Variants in EXOSC1 observed in about 807,000 individuals in gnomAD.
The protein encoded by EXOSC1 is exosome complex component CSL4.
Under a neutral mutation model 31.4 loss-of-function variants are expected in EXOSC1, and 27 were observed. That is an observed-to-expected ratio of 0.86 (90% CI 0.63 to 1.18). EXOSC1 has a LOEUF of 1.18. Ranked by LOEUF, EXOSC1 falls within the 50% of genes most tolerant of loss-of-function variation. The pLI is 0.00. For synonymous variants in EXOSC1, 84 were observed against 89.5 expected (o/e 0.94, Z 0.35); for missense variants, 228 against 250.3 (o/e 0.91, Z 0.60).
In EXOSC1 at chr10:97,437,202, T is replaced by G. The variant is rs771280526; in HGVS notation, c.470A>C (p.His157Pro). 9.2e-5 allele frequency: 149 copies of G among 1,613,788 alleles called. No individual in the cohort carries two copies. The highest frequency in any genetic ancestry group is 1.2e-4 in the Non-Finnish European group (141 of 1,179,976). Residue 157 changes from histidine to proline, a missense_variant, in exon 7 of 8, where the codon CAC (histidine) becomes CCC (proline). Physicochemically the swap from His to Pro is moderately conservative, Grantham distance 77. Coordinates refer to ENST00000370902, the MANE Select transcript of EXOSC1 (RefSeq NM_016046.5). ...CAAGGCCATCTCACCTGACTCACTG[T>G]GGGCTACCACCACTCCCAGCTCGTT... ...AENELGVVVA[H>P]SESGIQMVPI...
Position 97,437,688 on chromosome 10 carries a change from A to C in EXOSC1, c.396+12T>G. The C allele has an allele frequency of 6.2e-7, 1 of 1,612,534 alleles. No individual in the cohort carries two copies. The highest frequency in any genetic ancestry group is 2.2e-5 in the East Asian group (1 of 44,814). On this transcript the variant is annotated intron_variant, in intron 6 of 7. Coordinates refer to ENST00000370902, the MANE Select transcript of EXOSC1 (RefSeq NM_016046.5). Reference sequence around the variant, plus strand: ...GACAAAGGACCAGAAGTCTGCTGGGAATAAAGGATACCACTTTGGCCAAGA... The same window carrying C: ...GACAAAGGACCAGAAGTCTGCTGGGCATAAAGGATACCACTTTGGCCAAGA...
At position 97,436,545 on chromosome 10, in the gene EXOSC1, T is replaced by G. The variant is rs1208978955; in HGVS notation, c.488A>C (p.Gln163Pro). ...VVVAHSESGI[Q>P]MVPISWCEMQ... ...CTCACACCAGCTGATGGGAACCATC[T>G]GGATACCTGGAAGGGAAAAGCTGGT... The change falls in exon 8 of 8, where the codon CAG becomes CCG. Residue 163 changes from glutamine to proline, a missense_variant. Physicochemically the swap from Gln to Pro is moderately conservative, Grantham distance 76. Transcript: ENST00000370902. 1 of 1,594,610 alleles carries G rather than the reference T, an allele frequency of 6.3e-7. No homozygotes were observed. Among genetic ancestry groups the G allele is most frequent in the East Asian group, 2.3e-5 (1 of 43,946 alleles).
At position 97,438,678 on chromosome 10, in the gene EXOSC1, T is replaced by C; in HGVS notation, c.337A>G (p.Lys113Glu). 1 of 1,612,656 alleles carries C rather than the reference T, an allele frequency of 6.2e-7. No individual in the cohort carries two copies. Reference sequence around the variant, plus strand: ...AAGAACCAACCAACAACCTTGTCTTTTTCAGTTGCTCGGACATCTTCCTTG... The same window carrying C: ...AAGAACCAACCAACAACCTTGTCTTCTTCAGTTGCTCGGACATCTTCCTTG... ...IRKEDVRATE[K>E]DKVEIYKSFR... The change falls in exon 5 of 8, where the codon AAA becomes GAA. Residue 113 changes from lysine (K) to glutamate (E), a missense_variant. Lys to Glu is a moderately conservative substitution (Grantham distance 56, BLOSUM62 1). Transcript: ENST00000370902.
chr10:97,439,152 G>C (rs1470107270), intron 4 of EXOSC1, among the ~76,000 whole-genome samples: 1 of 152,184 alleles, frequency 6.6e-6, no homozygotes, highest in Non-Finnish European at 1.5e-5. Context: ...AGAGGAGCAG[G>C]GTGGAGAAGC....
intron 1 of EXOSC1, 41 bp from the exon 2 acceptor site, chr10:97,445,888 C>G (rs1228547860): frequency 1.9e-6 from 3 of 1,613,884 alleles, no homozygotes; most frequent in Non-Finnish European, 2.5e-6. Context: ...CCCCCAGAAG[C>G]TGTAGGCCGT....
At chr10:97,444,560 T>C (rs1269589504) in intron 2 of EXOSC1, 1 of 152,260 alleles carries the variant, frequency 6.6e-6, no homozygotes, top group African/African-American at 2.4e-5. Flanking sequence ...TGTAACCATA[T>C]GCTCATTTGA....
intron 4 of EXOSC1, 55 bp downstream of exon 4, chr10:97,441,116 T>G: frequency 7.1e-7 from 1 of 1,409,154 alleles, no homozygotes; most frequent in Non-Finnish European, 9.9e-7. Flanking sequence ...GGTGTCCTAG[T>G]CTATCCTAAT....
chr10:97,438,804 G>C lies in EXOSC1; in HGVS notation c.312-101C>G. On this transcript the variant is annotated intron_variant, in intron 4 of 7. Coordinates refer to ENST00000370902, the MANE Select transcript of EXOSC1 (RefSeq NM_016046.5). ...GTCTCCCTCTGTCACCCAGGCTGGAGTACAGTGGCGCAATTTTGCTCACTG... is the reference window on the plus strand; with the variant it reads ...GTCTCCCTCTGTCACCCAGGCTGGACTACAGTGGCGCAATTTTGCTCACTG... 3 of 925,274 alleles carry C rather than the reference G, an allele frequency of 3.2e-6. No individual in the cohort carries two copies. In the South Asian group the frequency reaches 4.4e-5, roughly 13 times the overall value. The allele number at this position is 925,274 out of a possible 1,614,324, so 57.3% of individuals were successfully genotyped here.
At position 97,442,597 on chromosome 10, in the gene EXOSC1, C is replaced by T. The variant is rs149157513; in HGVS notation, c.222+640G>A. Among the ~76,000 whole-genome samples, 1,181 of 152,330 alleles carry T rather than the reference C, an allele frequency of 7.8e-3. 11 individuals are homozygous for T. The highest frequency in any genetic ancestry group is 0.027 in the African/African-American group (1,102 of 41,578). Reference sequence around the variant, plus strand: ...GATCATGGCTCACTGCAGCCTCAACCCCCTGGGCCCAAGCGATCTTCCTGC... The same window carrying T: ...GATCATGGCTCACTGCAGCCTCAACTCCCTGGGCCCAAGCGATCTTCCTGC... On this transcript the variant is annotated intron_variant, in intron 3 of 7. Transcript: ENST00000370902.
intron 4 of EXOSC1, among the ~76,000 whole-genome samples, chr10:97,440,570 G>A (rs1439060118): frequency 6.6e-6 from 1 of 150,880 alleles, no homozygotes; most frequent in African/African-American, 2.4e-5. Context: ...CCAGGCTGGA[G>A]TGCAATGGCG....
chr10:97,437,194 A>T lies in EXOSC1; in HGVS notation c.478T>A (p.Ser160Thr). Reference sequence around the variant, plus strand: ...TGTGGAAACAAGGCCATCTCACCTGACTCACTGTGGGCTACCACCACTCCC... The same window carrying T: ...TGTGGAAACAAGGCCATCTCACCTGTCTCACTGTGGGCTACCACCACTCCC... ...ELGVVVAHSE[S>T]GIQMVPISWC... Residue 160 changes from serine (S) to threonine (T), a missense_variant, in exon 7 of 8, where the codon TCA becomes ACA. By Grantham distance (58) the Ser-to-Thr change is moderately conservative (BLOSUM62 1). Transcript: ENST00000370902. The T allele has an allele frequency of 6.2e-7, 1 of 1,613,612 alleles. No homozygotes were observed. The highest frequency in any genetic ancestry group is 1.1e-5 in the South Asian group (1 of 91,046).
intron 4 of EXOSC1, chr10:97,440,853 T>A (rs1413217991): frequency 1.0e-5 from 2 of 192,822 alleles, no homozygotes; most frequent in Admixed American, 1.2e-4. Flanking sequence ...GGTTTCACCA[T>A]GTTGGCTAGG....
At chr10:97,445,049 G>A (rs897861683) in intron 2 of EXOSC1, 2 of 152,022 alleles carry the variant, frequency 1.3e-5, no homozygotes, top group African/African-American at 4.8e-5. Context: ...CATAGTGCTT[G>A]GAAGAAAAGG....
intron 2 of EXOSC1, 103 bp from the exon 3 acceptor site, chr10:97,443,414 A>G: frequency 1.0e-6 from 1 of 997,128 alleles, no homozygotes; most frequent in East Asian, 2.4e-5. Flanking sequence ...TAAAGGTGAG[A>G]GTTGGAGTAT....
chr10:97,445,464 G>A (rs967124001), intron 2 of EXOSC1: 10 of 538,140 alleles, frequency 1.9e-5, no homozygotes, highest in South Asian at 1.4e-4. Context: ...GCTGGGCTGA[G>A]CTGGGCTGGG....
In EXOSC1 at chr10:97,443,263, C is replaced by T. The variant is rs1293386210; in HGVS notation, c.196G>A (p.Asp66Asn). 7 of 1,614,036 alleles carry T rather than the reference C, an allele frequency of 4.3e-6. No individual in the cohort carries two copies. The highest frequency in any genetic ancestry group is 5.9e-6 in the Non-Finnish European group (7 of 1,180,020). ...TTACAGGTTACAATAGCTCCCACAT[C>T]TGGCAGTAACTGGGACTCTGTTTCT... ...VRETESQLLP[D>N]VGAIVTCKVS... is the part of the protein sequence containing the mutation. Residue 66 changes from aspartate (D) to asparagine (N), a missense_variant, in exon 3 of 8, where the codon GAT becomes AAT. By Grantham distance (23) the Asp-to-Asn change is conservative (BLOSUM62 1). Coordinates refer to ENST00000370902, the MANE Select transcript of EXOSC1 (RefSeq NM_016046.5).
chr10:97,445,886 A>G (rs755991590), intron 1 of EXOSC1, 39 bp from the exon 2 acceptor site: 1 of 1,612,786 alleles, frequency 6.2e-7, no homozygotes. Flanking sequence ...GGCCCCCAGA[A>G]GCTGTAGGCC....
In EXOSC1 at chr10:97,436,447, A is replaced by G; in HGVS notation, c.586T>C (p.Ter196GlnextTer44). ...ARVQPEFLQT* is the reference protein window; with the variant it reads ...ARVQPEFLQTQ ...TCCATAGGGTAAAAAGTGGCTTCTT[A>G]GGTCTGCAAGAATTCGGGTTGTACT... The change falls in exon 8 of 8, where the codon TAA becomes CAA. Residue 196 changes from the stop codon to glutamine (Q), a stop_lost. Coordinates refer to ENST00000370902, the MANE Select transcript of EXOSC1 (RefSeq NM_016046.5). The G allele has an allele frequency of 6.2e-7, 1 of 1,610,088 alleles. No homozygotes were observed. The highest frequency in any genetic ancestry group is 1.1e-5 in the South Asian group (1 of 90,918).
chr10:97,443,300 C>T lies in EXOSC1; in HGVS notation c.159G>A (p.Val53=). The T allele has an allele frequency of 6.2e-7, 1 of 1,614,108 alleles. No individual in the cohort carries two copies. Among genetic ancestry groups the T allele is most frequent in the Non-Finnish European group, 8.5e-7 (1 of 1,179,984 alleles). Reference sequence around the variant, plus strand: ...GGGACTCTGTTTCTCTCACTACAGACACCACTGGAAGCTACAGAGGGAACA... The same window carrying T: ...GGGACTCTGTTTCTCTCACTACAGATACCACTGGAAGCTACAGAGGGAACA... ...KSSENGALPV[V]SVVRETESQL... Residue 53 remains valine (V), a synonymous_variant, in exon 3 of 8, where the codon GTG becomes GTA. Coordinates refer to ENST00000370902, the MANE Select transcript of EXOSC1 (RefSeq NM_016046.5).
Sources: allele counts gnomAD v4.1 joint callset (sites outside exome capture counted in the v4.1 genomes callset), GRCh38; gene constraint gnomAD v4.1.1; transcripts MANE v1.5; gene names NCBI Gene and HGNC (gene_info 2026-07-23, HGNC 2026-07-21).